FAAH2: variants seen among roughly 807,000 people sequenced by gnomAD.
FAAH2 encodes fatty acid amide hydrolase 2.
A neutral mutation model predicts 36.9 loss-of-function variants in FAAH2; 60 were observed. The ratio of observed to expected loss-of-function variants is 1.63; its 90% CI spans 1.32 to 2.02. FAAH2 has a LOEUF of 2.02. FAAH2 is among the 30% of genes most tolerant of loss of function. The probability of loss-of-function intolerance (pLI) is 0.00; values close to 1 mark genes in which losing one functional copy is unlikely to be tolerated. For synonymous variants in FAAH2, 214 were observed against 143.8 expected (o/e 1.49, Z -3.49); for missense variants, 689 against 397.5 (o/e 1.73, Z -6.23).
Position 57,448,713 on chromosome X carries a change from A to G in FAAH2, c.1418A>G (p.Tyr473Cys), listed in dbSNP as rs1389211051. The G allele has an allele frequency of 1.7e-6, 2 of 1,196,789 alleles. No homozygotes were observed. The highest frequency in any genetic ancestry group is 2.3e-6 in the Non-Finnish European group (2 of 884,814). The change falls in exon 10 of 11, where the codon TAC becomes TGC. Residue 473 changes from tyrosine (Y) to cysteine (C), a missense_variant. Transcript: ENST00000374900. ...CTAACACGGCCTTTCAACTTTGCTTACACAGGTACCTAATTGTATTCCTTA... is the reference window on the plus strand; with the variant it reads ...CTAACACGGCCTTTCAACTTTGCTTGCACAGGTACCTAATTGTATTCCTTA... The part of the protein sequence containing the change: ...VPLTRPFNFA[Y>C]TGVFSALGLP...
chrX:57,157,524 C>T, the FAAH2 span, among the ~76,000 whole-genome samples: 1 of 111,488 alleles, frequency 9.0e-6, no homozygotes, highest in Non-Finnish European at 1.9e-5. Context: ...CCCATGCAAT[C>T]TCCACACTGA....
the FAAH2 span, among the ~76,000 whole-genome samples, chrX:57,205,341 A>G: frequency 2.7e-5 from 3 of 112,651 alleles, no homozygotes; most frequent in East Asian, 8.4e-4. Context: ...CTAGGCAATC[A>G]GCCATTCAAT....
the FAAH2 span, among the ~76,000 whole-genome samples, chrX:57,194,672 T>G: frequency 9.0e-6 from 1 of 110,514 alleles, no homozygotes; most frequent in Admixed American, 9.7e-5. Flanking sequence ...TTCTGAGATT[T>G]TGGTGGACCC....
intron 4 of FAAH2, among the ~76,000 whole-genome samples, chrX:57,338,283 G>C (rs139676641): frequency 4.5e-4 from 50 of 111,424 alleles, no homozygotes; most frequent in East Asian, 4.3e-3. Flanking sequence ...TGCTCAGTGT[G>C]GGAGATTTTT....
At chrX:57,324,699 A>G (rs1317409834) in intron 3 of FAAH2, among the ~76,000 whole-genome samples, 1 of 112,353 alleles carries the variant, frequency 8.9e-6, no homozygotes, top group Non-Finnish European at 1.9e-5. Context: ...TTATATCCTG[A>G]GACTTTGCTG....
At chrX:57,418,799 C>A (rs750714834) in intron 7 of FAAH2, among the ~76,000 whole-genome samples, 1 of 108,160 alleles carries the variant, frequency 9.2e-6, no homozygotes, top group African/African-American at 3.4e-5. Flanking sequence ...ATACATGTGC[C>A]ATGCCGGTGT....
At chrX:57,271,059 C>T in the FAAH2 span, among the ~76,000 whole-genome samples, 1 of 112,416 alleles carries the variant, frequency 8.9e-6, no homozygotes, top group African/African-American at 3.2e-5. Context: ...CACATGGAGC[C>T]CAGGAAACTA....
chrX:57,444,689 G>C (rs1484848903), intron 8 of FAAH2, among the ~76,000 whole-genome samples: 1 of 111,463 alleles, frequency 9.0e-6, no homozygotes, highest in African/African-American at 3.3e-5. Context: ...TGGAGCTGCA[G>C]ACTGGAGCTG....
chrX:57,478,565 G>C (rs979934698), intron 10 of FAAH2, among the ~76,000 whole-genome samples: 3 of 111,880 alleles, frequency 2.7e-5, no homozygotes, highest in Admixed American at 1.9e-4. Context: ...CCTTGCACAT[G>C]CCTATGTCCT....
At position 57,419,972 on chromosome X, in the gene FAAH2, G is replaced by T. The variant is rs1462819761; in HGVS notation, c.997-11946G>T. Among the ~76,000 whole-genome samples the T allele has an allele frequency of 2.7e-5, 3 of 111,898 alleles. No homozygotes were observed. In the East Asian group the frequency reaches 8.4e-4, roughly 31 times the overall value. ...TTTTCCCAGCAGCATTTATTAAATA[G>T]AGAATCCTTTCCCCATTTCTGGTTT... On this transcript the variant is annotated intron_variant, in intron 7 of 10. Transcript: ENST00000374900.
At chrX:57,277,998 A>T in the FAAH2 span, among the ~76,000 whole-genome samples, 1 of 111,490 alleles carries the variant, frequency 9.0e-6, no homozygotes, top group Non-Finnish European at 1.9e-5. Flanking sequence ...GCCATACTGC[A>T]CAAGATGATT....
the FAAH2 span, among the ~76,000 whole-genome samples, chrX:57,212,112 T>G: frequency 9.0e-6 from 1 of 111,402 alleles, no homozygotes; most frequent in Non-Finnish European, 1.9e-5. Flanking sequence ...GCAACAGTAG[T>G]CTCAGCAACT....
intron 3 of FAAH2, among the ~76,000 whole-genome samples, chrX:57,324,326 C>T (rs1232155658): frequency 8.9e-6 from 1 of 111,834 alleles, no homozygotes; most frequent in Non-Finnish European, 1.9e-5. Flanking sequence ...AATGCGGGCT[C>T]TTTTTTGGTT....
the FAAH2 span, among the ~76,000 whole-genome samples, chrX:57,239,350 A>G: frequency 4.6e-4 from 51 of 111,455 alleles, no homozygotes; most frequent in Non-Finnish European, 1.7e-4. Flanking sequence ...GGTTGAAATT[A>G]TCTTTAAGAA....
At position 57,392,867 on chromosome X, in the gene FAAH2, G is replaced by A. The variant is rs985239778; in HGVS notation, c.996+11838G>A. 3 of 766,645 alleles carry A rather than the reference G, an allele frequency of 3.9e-6. No individual in the cohort carries two copies. In the Admixed American group the frequency reaches 6.6e-5, roughly 17 times the overall value. 63.2% of individuals were successfully genotyped at this position (766,645 alleles called of 1,213,427 possible). A position where few individuals can be genotyped will look rare whatever the true frequency, so the allele number is the denominator to read the frequency against. ...AGTGTGTTTTGGCCATGCAGATGGG[G>A]AGATTCCCAAAGCCCTGCTTTGTGT... On this transcript the variant is annotated intron_variant, in intron 7 of 10. Transcript: ENST00000374900.
intron 7 of FAAH2, among the ~76,000 whole-genome samples, chrX:57,415,864 C>T (rs1173035377): frequency 9.0e-6 from 1 of 110,997 alleles, no homozygotes. Context: ...GAGTCTAAGT[C>T]TCTTTGTAGG....
chrX:57,316,417 C>T (rs755715782), intron 3 of FAAH2, among the ~76,000 whole-genome samples: 9 of 111,654 alleles, frequency 8.1e-5, no homozygotes, highest in Non-Finnish European at 1.3e-4. Flanking sequence ...GCCTGAATAG[C>T]CAAAGCAATC....
chrX:57,380,661 G>A (rs2054819361), intron 6 of FAAH2, among the ~76,000 whole-genome samples: 2 of 111,905 alleles, frequency 1.8e-5, no homozygotes, highest in Admixed American at 9.5e-5. Flanking sequence ...TTTCTAGCAT[G>A]AACTACCACC....
the FAAH2 span, among the ~76,000 whole-genome samples, chrX:57,167,196 A>C: frequency 9.0e-6 from 1 of 111,520 alleles, no homozygotes; most frequent in African/African-American, 3.3e-5. Context: ...GATTTCTCTG[A>C]CCACACTTAT....
Sources: allele counts gnomAD v4.1 joint callset (sites outside exome capture counted in the v4.1 genomes callset), GRCh38; gene constraint gnomAD v4.1.1; transcripts MANE v1.5; gene names NCBI Gene and HGNC (gene_info 2026-07-23, HGNC 2026-07-21).